The following PLCH1 variants were observed in gnomAD, a reference collection of about 807,000 sequenced individuals.
PLCH1 encodes the protein phospholipase C eta 1.
Under a neutral mutation model 126.7 loss-of-function variants are expected in PLCH1, and 60 were observed. The observed-to-expected ratio is 0.47, with a 90% CI of 0.38 to 0.59. The LOEUF is 0.59. PLCH1 is among the 20% of genes least tolerant of loss of function. The pLI is 0.00. For missense variants in PLCH1, 1,723 were observed against 2,040.0 expected, an observed-to-expected ratio of 0.84 and a Z score of 2.99; for synonymous variants, 719 against 734.9, an observed-to-expected ratio of 0.98 and a Z score of 0.35.
rs541922108 is a variant in PLCH1 at position 155,538,464 on chromosome 3, G to A, written c.1362+11323C>T. On this transcript the variant is annotated intron_variant, in intron 10 of 22. Coordinates refer to ENST00000460012, the MANE Select transcript of PLCH1 (RefSeq NM_014996.4). ...AAAAGATAAATGAAACAAAAACCTG[G>A]TTCTTTGAAAAGATAAACAAAATTG... Among the ~76,000 whole-genome samples, 96 of 152,080 alleles carry A rather than the reference G, an allele frequency of 6.3e-4. 1 individual carries two copies. The highest frequency in any genetic ancestry group is 2.1e-3 in the African/African-American group (87 of 41,498).
At chr3:155,743,767 G>A (rs1749790799) in intron 1 of PLCH1, 1 of 309,596 alleles carries the variant, frequency 3.2e-6, no homozygotes, top group Non-Finnish European at 6.2e-6. Context: ...ACAGGACATG[G>A]GTGCTGCTGG....
intron 10 of PLCH1, among the ~76,000 whole-genome samples, chr3:155,536,724 G>GAA (rs995954853): frequency 6.6e-6 from 1 of 152,078 alleles, no homozygotes; most frequent in African/African-American, 2.4e-5. Flanking sequence ...AGGAAGAAGA[G>GAA]AAATCTCACA....
chr3:155,478,311 A>C (rs1456595008), downstream of PLCH1, among the ~76,000 whole-genome samples: 1 of 152,160 alleles, frequency 6.6e-6, no homozygotes, highest in African/African-American at 2.4e-5. Flanking sequence ...AATAGAAAGA[A>C]TGAATAAGAC....
intron 2 of PLCH1, among the ~76,000 whole-genome samples, chr3:155,698,315 G>C (rs1745990423): frequency 2.0e-5 from 3 of 152,178 alleles, no homozygotes; most frequent in Admixed American, 2.0e-4. Context: ...CTTTCATTGA[G>C]AATTTTTTGT....
In PLCH1 at chr3:155,481,556, T is replaced by C; in HGVS notation, c.4470A>G (p.Leu1490=). ...SPCKSKSLGD[L]TSEDIACNFE... ...AATTGCAGGCAATGTCCTCTGATGT[T>C]AAGTCCCCCAGACTTTTGGATTTGC... is the stretch of plus-strand genomic sequence containing the variant. The change falls in exon 23 of 23, where the codon TTA becomes TTG. Residue 1490 remains leucine, a synonymous_variant. Transcript: ENST00000460012. This position sits in a 1 kb window ranked among gnomAD's most constrained non-coding sequence, Gnocchi z 4.2. 1 of 1,614,190 alleles carries C rather than the reference T, an allele frequency of 6.2e-7. No homozygotes were observed. Among genetic ancestry groups the C allele is most frequent in the Non-Finnish European group, 8.5e-7 (1 of 1,180,042 alleles).
At chr3:155,730,118 CTAACAGGTCAA>C (rs1748654802) in intron 1 of PLCH1, among the ~76,000 whole-genome samples, 1 of 151,864 alleles carries the variant, frequency 6.6e-6, no homozygotes, top group Admixed American at 6.6e-5. Context: ...TCTTAATCCT[CTAACAGGTCAA>C]TAAAGAGCCT....
intron 10 of PLCH1, among the ~76,000 whole-genome samples, chr3:155,539,375 G>T (rs901154928): frequency 6.6e-6 from 1 of 152,000 alleles, no homozygotes; most frequent in Non-Finnish European, 1.5e-5. Flanking sequence ...CACCACTTCT[G>T]TTCAACATAG....
At chr3:155,564,781 T>A (rs2304406) in intron 8 of PLCH1, 134 bp downstream of exon 8, 94,264 of 597,236 alleles carry the variant, frequency 0.16, 9,622 homozygotes, top group African/African-American at 0.39. Context: ...AGATTGACTT[T>A]ACAATGAGCA....
intron 21 of PLCH1, among the ~76,000 whole-genome samples, chr3:155,455,429 G>T (rs1203954962): frequency 1.3e-5 from 2 of 152,236 alleles, no homozygotes; most frequent in African/African-American, 4.8e-5. Flanking sequence ...CACCTGGGAG[G>T]AGGGTCAGCA....
intron 2 of PLCH1, among the ~76,000 whole-genome samples, chr3:155,613,865 T>C (rs1019939545): frequency 5.9e-5 from 9 of 152,208 alleles, no homozygotes; most frequent in African/African-American, 2.2e-4. Flanking sequence ...TGAACTGTCA[T>C]TGTTCGCCAA....
chr3:155,556,046 G>A (rs1396522014), intron 8 of PLCH1, among the ~76,000 whole-genome samples: 1 of 152,140 alleles, frequency 6.6e-6, no homozygotes, highest in East Asian at 1.9e-4. Flanking sequence ...TTTAAATACT[G>A]GCAATTAATC....
chr3:155,687,472 T>C (rs138013093), intron 2 of PLCH1, among the ~76,000 whole-genome samples: 10 of 152,326 alleles, frequency 6.6e-5, no homozygotes, highest in Non-Finnish European at 1.3e-4. Flanking sequence ...ACTTGTTCTC[T>C]AGCTAAGAGA....
chr3:155,500,677 T>C (rs978704617), intron 14 of PLCH1, 26 bp downstream of exon 14: 2 of 1,430,980 alleles, frequency 1.4e-6, no homozygotes, highest in Non-Finnish European at 2.0e-6. Flanking sequence ...GGAGTGTGAG[T>C]AGGAAACATG....
At chr3:155,562,390 GC>G (rs1328787946) in intron 8 of PLCH1, among the ~76,000 whole-genome samples, 1 of 151,798 alleles carries the variant, frequency 6.6e-6, no homozygotes, top group African/African-American at 2.4e-5. Context: ...TTATTTTATG[GC>G]CCCCTATCCA....
chr3:155,520,093 C>A (rs1461242043), intron 11 of PLCH1, among the ~76,000 whole-genome samples: 2 of 152,142 alleles, frequency 1.3e-5, no homozygotes, highest in African/African-American at 4.8e-5. Context: ...CTAGAATCTT[C>A]CAGGGAGATT....
intron 1 of PLCH1, among the ~76,000 whole-genome samples, chr3:155,711,773 T>A (rs960629558): frequency 7.9e-5 from 12 of 152,210 alleles, no homozygotes; most frequent in Admixed American, 1.3e-4. Flanking sequence ...ACGGCCTGTT[T>A]CAGATCACTC....
chr3:155,632,589 C>T (rs1738183952), intron 2 of PLCH1, among the ~76,000 whole-genome samples: 2 of 152,120 alleles, frequency 1.3e-5, no homozygotes, highest in Non-Finnish European at 2.9e-5. Flanking sequence ...CAAATGTAGG[C>T]ACTTTAAAAT....
chr3:155,475,633 T>G (rs1713512322), downstream of PLCH1, among the ~76,000 whole-genome samples: 1 of 151,896 alleles, frequency 6.6e-6, no homozygotes, highest in Non-Finnish European at 1.5e-5. Context: ...AAAGAGACAT[T>G]ACAACTGATA....
At chr3:155,465,882 G>T (rs73011551) in intron 21 of PLCH1, among the ~76,000 whole-genome samples, 2,212 of 152,302 alleles carry the variant, frequency 0.015, 49 homozygotes, top group African/African-American at 0.051. Context: ...TGGCTACAAG[G>T]TGAGGCTCCT....
Sources: allele counts gnomAD v4.1 joint callset (sites outside exome capture counted in the v4.1 genomes callset), GRCh38; gene constraint gnomAD v4.1.1; non-coding constraint Gnocchi (gnomAD v3.1); transcripts MANE v1.5; gene names NCBI Gene and HGNC (gene_info 2026-07-23, HGNC 2026-07-21).